Variants in RPS6KC1 observed in about 807,000 individuals in gnomAD.
The protein encoded by RPS6KC1 is ribosomal protein S6 kinase C1, also known as inactive ribosomal protein S6 kinase delta-1.
A neutral mutation model predicts 103.8 loss-of-function variants in RPS6KC1; 54 were observed. The ratio of observed to expected loss-of-function variants is 0.52; its 90% CI spans 0.42 to 0.65. The LOEUF is 0.65. Among genes scored for constraint, RPS6KC1 ranks in the 30% least tolerant of loss-of-function variants. The pLI, the probability that RPS6KC1 is intolerant of heterozygous loss-of-function variation, is 0.00. For synonymous variants in RPS6KC1, 439 were observed against 438.7 expected (o/e 1.00, Z -0.01); for missense variants, 1,151 against 1,253.8 (o/e 0.92, Z 1.24).
At chr1:213,315,599 A>G in the RPS6KC1 span, among the ~76,000 whole-genome samples, 1 of 152,232 alleles carries the variant, frequency 6.6e-6, no homozygotes, top group African/African-American at 2.4e-5. Flanking sequence ...TTAAGCTTTA[A>G]TATTTGATAT....
intron 5 of RPS6KC1, among the ~76,000 whole-genome samples, chr1:213,123,947 A>G (rs1245314451): frequency 2.0e-5 from 3 of 152,122 alleles, no homozygotes; most frequent in South Asian, 2.1e-4. Flanking sequence ...TAGTATAAAG[A>G]TTTATTCTAT....
At chr1:213,401,295 A>G in the RPS6KC1 span, among the ~76,000 whole-genome samples, 1 of 152,194 alleles carries the variant, frequency 6.6e-6, no homozygotes, top group Admixed American at 6.5e-5. Context: ...TGAGATCTGA[A>G]GGCTGAGATA....
chr1:213,163,548 T>G (rs2090676574), intron 6 of RPS6KC1, among the ~76,000 whole-genome samples: 1 of 152,242 alleles, frequency 6.6e-6, no homozygotes, highest in Non-Finnish European at 1.5e-5. Context: ...GCTTTTCTTT[T>G]GTTGAACAAA....
chr1:213,732,052 C>T, the RPS6KC1 span, among the ~76,000 whole-genome samples: 1 of 151,726 alleles, frequency 6.6e-6, no homozygotes, highest in Non-Finnish European at 1.5e-5. Context: ...GGGTGAGAGG[C>T]TGTGATGTAA....
chr1:213,395,852 C>T, the RPS6KC1 span, among the ~76,000 whole-genome samples: 1 of 152,168 alleles, frequency 6.6e-6, no homozygotes, highest in East Asian at 1.9e-4. Context: ...ACAACCAACA[C>T]TCAAACATTT....
the RPS6KC1 span, among the ~76,000 whole-genome samples, chr1:213,301,068 C>A: frequency 6.6e-6 from 1 of 152,158 alleles, no homozygotes; most frequent in African/African-American, 2.4e-5. Context: ...CCTCTACAGG[C>A]TCTTAGGGTT....
At chr1:213,781,135 C>A in the RPS6KC1 span, among the ~76,000 whole-genome samples, 2 of 152,154 alleles carry the variant, frequency 1.3e-5, no homozygotes, top group Non-Finnish European at 2.9e-5. Flanking sequence ...CAGGTGGAGG[C>A]AAGATGAAGC....
chr1:213,353,345 A>G, the RPS6KC1 span, among the ~76,000 whole-genome samples: 1 of 152,248 alleles, frequency 6.6e-6, no homozygotes, highest in Non-Finnish European at 1.5e-5. Flanking sequence ...TTCTAGCCCT[A>G]AACATATCTT....
At chr1:213,138,636 A>C (rs1198228394) in intron 6 of RPS6KC1, among the ~76,000 whole-genome samples, 2 of 152,124 alleles carry the variant, frequency 1.3e-5, no homozygotes, top group African/African-American at 4.8e-5. Flanking sequence ...ATATTAATTT[A>C]CTTAGATTAT....
chr1:213,854,744 G>A, the RPS6KC1 span, among the ~76,000 whole-genome samples: 1 of 152,120 alleles, frequency 6.6e-6, no homozygotes, highest in Non-Finnish European at 1.5e-5. Context: ...TGGACCACTT[G>A]GGGGTAACTC....
At chr1:213,539,725 A>G in the RPS6KC1 span, among the ~76,000 whole-genome samples, 1 of 139,430 alleles carries the variant, frequency 7.2e-6, no homozygotes, top group Non-Finnish European at 1.5e-5. Context: ...GGTTAAAATG[A>G]TCGGGGCAAA....
the RPS6KC1 span, among the ~76,000 whole-genome samples, chr1:213,812,861 C>G: frequency 6.6e-6 from 1 of 152,052 alleles, no homozygotes; most frequent in Non-Finnish European, 1.5e-5. Flanking sequence ...ACAGCAGTCC[C>G]GAAGGGCTTG....
chr1:213,817,846 T>A, the RPS6KC1 span: 1 of 152,162 alleles, frequency 6.6e-6, no homozygotes, highest in Non-Finnish European at 1.5e-5. Context: ...AGCAAGCAAG[T>A]CTGTTGGTGC....
chr1:213,539,267 T>A, the RPS6KC1 span, among the ~76,000 whole-genome samples: 1 of 152,152 alleles, frequency 6.6e-6, no homozygotes, highest in African/African-American at 2.4e-5. Context: ...CAAATGCACA[T>A]TGACACTGTA....
chr1:213,342,387 G>A, the RPS6KC1 span, among the ~76,000 whole-genome samples: 3 of 152,164 alleles, frequency 2.0e-5, no homozygotes, highest in African/African-American at 4.8e-5. Flanking sequence ...ACTCTTTTGA[G>A]AAAATAAAAT....
At chr1:213,663,203 CTTACTA>C in the RPS6KC1 span, among the ~76,000 whole-genome samples, 1 of 152,150 alleles carries the variant, frequency 6.6e-6, no homozygotes, top group Non-Finnish European at 1.5e-5. Context: ...TGTTATTGCT[CTTACTA>C]TTACTATTTA....
At chr1:213,330,039 C>T in the RPS6KC1 span, among the ~76,000 whole-genome samples, 2 of 152,238 alleles carry the variant, frequency 1.3e-5, no homozygotes, top group African/African-American at 4.8e-5. Flanking sequence ...GGGCCTCCCG[C>T]AGGGGCACCG....
chr1:213,569,646 T>G, the RPS6KC1 span, among the ~76,000 whole-genome samples: 1 of 152,150 alleles, frequency 6.6e-6, no homozygotes, highest in African/African-American at 2.4e-5. Flanking sequence ...TTACTAGGTC[T>G]TAGGAACAAG....
At chr1:213,743,215 A>G in the RPS6KC1 span, among the ~76,000 whole-genome samples, 2 of 152,208 alleles carry the variant, frequency 1.3e-5, no homozygotes, top group Non-Finnish European at 2.9e-5. Flanking sequence ...CATAAAAAAG[A>G]ATGAAACCAT....
Sources: allele counts gnomAD v4.1 joint callset (sites outside exome capture counted in the v4.1 genomes callset), GRCh38; gene constraint gnomAD v4.1.1; transcripts MANE v1.5; gene names NCBI Gene and HGNC (gene_info 2026-07-23, HGNC 2026-07-21).